The following FARP1 variants were observed in gnomAD, a reference collection of about 807,000 sequenced individuals.
The protein encoded by FARP1 is FERM, ARHGEF and pleckstrin domain-containing protein 1.
In FARP1, 52 loss-of-function variants were observed where a neutral mutation model predicts 128.8. The ratio of observed to expected loss-of-function variants is 0.40; its 90% CI spans 0.32 to 0.51. The LOEUF (loss-of-function observed/expected upper bound fraction) is 0.51, where lower values mean the gene tolerates loss of function less well. Among genes scored for constraint, FARP1 ranks in the 20% least tolerant of loss-of-function variants. The pLI is 0.45. For synonymous variants in FARP1, 580 were observed against 551.8 expected (o/e 1.05, Z -0.72); for missense variants, 1,333 against 1,367.9 (o/e 0.97, Z 0.40).
Position 98,411,987 on chromosome 13 carries a change from A to G in FARP1, c.1779A>G (p.Lys593=). Residue 593 remains lysine (K), a synonymous_variant, in exon 16 of 27, where the codon AAA becomes AAG. Transcript: ENST00000319562. ...TCCCGAATTTTGAACCTTTGCACAAATTTCATACTAATTTTCTCAAGGAAA... is the reference window on the plus strand; with the variant it reads ...TCCCGAATTTTGAACCTTTGCACAAGTTTCATACTAATTTTCTCAAGGAAA... ...LIFPNFEPLH[K]FHTNFLKEIE... is the part of the protein sequence containing the mutation. The G allele has an allele frequency of 6.2e-7, 1 of 1,614,074 alleles. No individual in the cohort carries two copies.
chr13:98,420,526 G>C (rs1477703423), intron 16 of FARP1, among the ~76,000 whole-genome samples: 1 of 152,238 alleles, frequency 6.6e-6, no homozygotes, highest in Non-Finnish European at 1.5e-5. Flanking sequence ...ACGTGTGTGG[G>C]TGTGTGTTGC....
intron 1 of FARP1, among the ~76,000 whole-genome samples, chr13:98,183,217 C>A (rs1878644767): frequency 6.6e-6 from 1 of 152,114 alleles, no homozygotes; most frequent in African/African-American, 2.4e-5. Flanking sequence ...TTGTTCTCTG[C>A]CTCTGTTTAC....
rs60625244 is a variant in FARP1 at position 98,337,538 on chromosome 13, CGTGTGTGTGTGTGTGTGTGT to C, written c.172-6193_172-6174del. On this transcript the variant is annotated intron_variant, in intron 2 of 26. Transcript: ENST00000319562. ...TCTTGTGTATAGTAGTCTGTGTAGCCGTGTGTGTGTGTGTGTGTGTGTGTGTGTGTGTGTGTGTGTGTGTG... is the reference window on the plus strand; with the variant it reads ...TCTTGTGTATAGTAGTCTGTGTAGCCGTGTGTGTGTGTGTGTGTGTGTGTG... 3.0e-3 allele frequency among the ~76,000 whole-genome samples: 401 copies of C among 132,094 alleles called. 3 individuals are homozygous for C. The highest frequency in any genetic ancestry group is 9.5e-3 in the African/African-American group (339 of 35,742). The allele number at this position is 132,094 out of a possible 152,430, so 86.7% of individuals were successfully genotyped here. A position where few individuals can be genotyped will look rare whatever the true frequency, so the allele number is the denominator to read the frequency against.
At chr13:98,188,335 C>T (rs1394541186) in intron 1 of FARP1, among the ~76,000 whole-genome samples, 7 of 152,010 alleles carry the variant, frequency 4.6e-5, no homozygotes, top group African/African-American at 1.2e-4. Flanking sequence ...GGGCGGATCA[C>T]GAGGTCAGGA....
rs200185112 is a variant in FARP1, at chr13:98,367,489, CT to C, written c.320-615del. 3.2e-3 allele frequency among the ~76,000 whole-genome samples: 462 copies of C among 143,940 alleles called. 1 individual carries two copies. The highest frequency in any genetic ancestry group is 4.9e-3 in the South Asian group (22 of 4,520). 94.4% of individuals were successfully genotyped at this position (143,940 alleles called of 152,430 possible). On this transcript the variant is annotated intron_variant, in intron 4 of 26. Coordinates refer to ENST00000319562, the MANE Select transcript of FARP1 (RefSeq NM_005766.4). ...ATAATCTGTCTGTCCTGTTTTCTTTCTTTTTTTTTTTTTAAATTCTGAAAAG... is the reference window on the plus strand; with the variant it reads ...ATAATCTGTCTGTCCTGTTTTCTTTCTTTTTTTTTTTTAAATTCTGAAAAG...
chr13:98,378,046 G>A (rs1350939387), intron 6 of FARP1, 128 bp downstream of exon 6: 1 of 692,232 alleles, frequency 1.4e-6, no homozygotes, highest in East Asian at 2.7e-5. Context: ...CTGTTCGTAT[G>A]AAGGCCTACG....
chr13:98,364,574 TA>T (rs1889003672), intron 3 of FARP1, among the ~76,000 whole-genome samples: 1 of 152,242 alleles, frequency 6.6e-6, no homozygotes, highest in South Asian at 2.1e-4. Context: ...TTAAGCACAT[TA>T]ACTTAGTTTT....
intron 3 of FARP1, among the ~76,000 whole-genome samples, chr13:98,360,151 A>G (rs1888811092): frequency 7.2e-6 from 1 of 138,860 alleles, no homozygotes; most frequent in Non-Finnish European, 1.5e-5. Context: ...GCTGGAGTGC[A>G]ATGGTGCTGT....
intron 2 of FARP1, among the ~76,000 whole-genome samples, chr13:98,242,177 GTTGT>G (rs1341284108): frequency 6.6e-6 from 1 of 152,044 alleles, no homozygotes; most frequent in Non-Finnish European, 1.5e-5. Flanking sequence ...CCCTGAAAGT[GTTGT>G]TTGAGATCTA....
At chr13:98,166,861 CTA>C (rs1454226731) in intron 1 of FARP1, among the ~76,000 whole-genome samples, 1 of 151,832 alleles carries the variant, frequency 6.6e-6, no homozygotes, top group Non-Finnish European at 1.5e-5. Flanking sequence ...GAAGCTGAGA[CTA>C]TAGGCGTGCA....
intron 1 of FARP1, among the ~76,000 whole-genome samples, chr13:98,150,558 T>G (rs1875922362): frequency 6.6e-6 from 1 of 152,198 alleles, no homozygotes; most frequent in Non-Finnish European, 1.5e-5. Flanking sequence ...CAAAAGTTAT[T>G]AGGAAAACAT....
chr13:98,152,269 G>A (rs1389312773), intron 1 of FARP1, among the ~76,000 whole-genome samples: 1 of 152,174 alleles, frequency 6.6e-6, no homozygotes, highest in Non-Finnish European at 1.5e-5. Flanking sequence ...ATGCCTAATG[G>A]CAGTTGCAGC....
rs1167715047 is a variant in FARP1 at position 98,379,117 on chromosome 13, T to C, written c.496+1199T>C. Among the ~76,000 whole-genome samples, 79 of 77,124 alleles carry C rather than the reference T, an allele frequency of 1.0e-3. 13 individuals are homozygous for C. The highest frequency in any genetic ancestry group is 1.6e-3 in the Non-Finnish European group (72 of 44,604). 50.6% of individuals were successfully genotyped at this position (77,124 alleles called of 152,430 possible). ...TAATATATATATAATATATAATCTA[T>C]ATATAATATATATATAATATATAAT... On this transcript the variant is annotated intron_variant, in intron 6 of 26. Transcript: ENST00000319562.
Position 98,384,719 on chromosome 13 carries a change from T to A in FARP1, c.497-11T>A. 6.4e-7 allele frequency: 1 copy of A among 1,569,608 alleles called. No individual in the cohort carries two copies. The highest frequency in any genetic ancestry group is 8.8e-7 in the Non-Finnish European group (1 of 1,139,664). On this transcript the variant is annotated splice_polypyrimidine_tract_variant and intron_variant, in intron 6 of 26. Coordinates refer to ENST00000319562, the MANE Select transcript of FARP1 (RefSeq NM_005766.4). ...CCTACGTGACCTGTTTTTCTTTCTG[T>A]TTCTTTTTAGCTGAGATTGGGGATT...
At chr13:98,270,413 T>C (rs561562322) in intron 2 of FARP1, among the ~76,000 whole-genome samples, 1 of 152,258 alleles carries the variant, frequency 6.6e-6, no homozygotes, top group African/African-American at 2.4e-5. Context: ...CATGTAAGAT[T>C]GCACATCTGG....
In FARP1 at chr13:98,213,332, G is replaced by A. The variant is rs1174713499; in HGVS notation, c.90G>A (p.Lys30=). The A allele has an allele frequency of 1.2e-6, 2 of 1,614,046 alleles. No individual in the cohort carries two copies. The highest frequency in any genetic ancestry group is 2.7e-5 in the African/African-American group (2 of 74,930). Residue 30 remains lysine, a synonymous_variant, in exon 2 of 27, where the codon AAG becomes AAA. Transcript: ENST00000319562. The part of the protein sequence containing the change: ...SGISTLERGQ[K]PPPTPSGKLV... Reference sequence around the variant, plus strand: ...TCAGTACCTTGGAACGTGGACAGAAGCCGCCCCCAACACCTTCAGGAAAAC... The same window carrying A: ...TCAGTACCTTGGAACGTGGACAGAAACCGCCCCCAACACCTTCAGGAAAAC...
intron 2 of FARP1, among the ~76,000 whole-genome samples, chr13:98,317,330 G>A (rs1886764325): frequency 6.6e-6 from 1 of 152,242 alleles, no homozygotes. Flanking sequence ...TACGATCATA[G>A]CTTACTGCAG....
intron 2 of FARP1, among the ~76,000 whole-genome samples, chr13:98,298,470 T>G (rs1407996304): frequency 6.6e-6 from 1 of 152,166 alleles, no homozygotes; most frequent in African/African-American, 2.4e-5. Context: ...CCATGCTTCT[T>G]TTTGTTTTAT....
At chr13:98,148,330 A>T (rs887780909) in intron 1 of FARP1, among the ~76,000 whole-genome samples, 8 of 152,230 alleles carry the variant, frequency 5.3e-5, no homozygotes, top group Non-Finnish European at 1.0e-4. Context: ...GTGAGCTGAG[A>T]TTACGCCATT....
Sources: gnomAD v4.1 joint callset for allele counts (sites outside exome capture counted in the v4.1 genomes callset) on GRCh38, gnomAD v4.1.1 for gene constraint, MANE v1.5 for transcripts, NCBI Gene and HGNC (gene_info 2026-07-23, HGNC 2026-07-21) for gene names.